The following DENND1A variants were observed in gnomAD, a reference collection of about 807,000 sequenced individuals.
DENND1A encodes the protein DENN domain containing 1A, also known as DENN domain-containing protein 1A.
DENND1A carries 51 observed loss-of-function variants against 113.7 expected under a neutral mutation model. The ratio of observed to expected loss-of-function variants is 0.45; its 90% CI spans 0.36 to 0.57. DENND1A has a LOEUF of 0.57. Ranked by LOEUF, DENND1A falls within the 20% of genes least tolerant of loss-of-function variation. The pLI, the probability that DENND1A is intolerant of heterozygous loss-of-function variation, is 0.00. For missense variants in DENND1A, 1,258 were observed against 1,395.9 expected (o/e 0.90, Z 1.57); for synonymous variants, 565 against 570.8 (o/e 0.99, Z 0.14).
At chr9:123,899,110 C>G (rs1355420568) in intron 1 of DENND1A, among the ~76,000 whole-genome samples, 1 of 152,130 alleles carries the variant, frequency 6.6e-6, no homozygotes, top group Admixed American at 6.5e-5. Context: ...TCATTCATGC[C>G]CATAATTTCC....
At chr9:123,490,852 C>T (rs1273422738) in intron 13 of DENND1A, among the ~76,000 whole-genome samples, 2 of 152,200 alleles carry the variant, frequency 1.3e-5, no homozygotes, top group Admixed American at 6.5e-5. Flanking sequence ...TCCCTTTGGG[C>T]GAGGCACATT....
intron 2 of DENND1A, among the ~76,000 whole-genome samples, chr9:123,863,078 C>T (rs947863498): frequency 1.3e-5 from 2 of 152,136 alleles, no homozygotes; most frequent in African/African-American, 4.8e-5. Flanking sequence ...GTAATAAGTG[C>T]GATGACAATG....
Position 123,422,917 on chromosome 9 carries a change from C to T in DENND1A, c.1489-11088G>A, listed in dbSNP as rs981566220. Among the ~76,000 whole-genome samples, 3 of 152,186 alleles carry T rather than the reference C, an allele frequency of 2.0e-5. No homozygotes were observed. Among genetic ancestry groups the T allele is most frequent in the South Asian group, 2.1e-4 (1 of 4,828 alleles). On this transcript the variant is annotated intron_variant, in intron 19 of 23. Coordinates refer to ENST00000394215, the MANE Select transcript of DENND1A (RefSeq NM_001352964.2). The surrounding 1 kb of genome is among the most constrained non-coding windows in gnomAD (Gnocchi z 4.8). Reference sequence around the variant, plus strand: ...ACAGGAACCCAAGGTGCCAGCAGTTCGACTGCCTTATTAAACACCGCCAGG... The same window carrying T: ...ACAGGAACCCAAGGTGCCAGCAGTTTGACTGCCTTATTAAACACCGCCAGG...
At chr9:123,663,891 T>C (rs2063369548) in intron 8 of DENND1A, among the ~76,000 whole-genome samples, 1 of 151,344 alleles carries the variant, frequency 6.6e-6, no homozygotes, top group Admixed American at 6.6e-5. Context: ...TCAAACAAAG[T>C]ATTACTCAAC....
intron 19 of DENND1A, chr9:123,414,677 C>A: frequency 1.3e-6 from 2 of 1,490,846 alleles, no homozygotes; most frequent in Non-Finnish European, 1.8e-6. Context: ...TTAAAAAGTC[C>A]TATTTCCCAA....
intron 5 of DENND1A, among the ~76,000 whole-genome samples, chr9:123,711,364 G>A (rs924937413): frequency 6.6e-6 from 1 of 151,416 alleles, no homozygotes; most frequent in Admixed American, 6.6e-5. Flanking sequence ...ACTCAGAGAG[G>A]CTGAGGCAGG....
chr9:123,793,312 G>A (rs1221492436), intron 2 of DENND1A, among the ~76,000 whole-genome samples: 2 of 152,130 alleles, frequency 1.3e-5, no homozygotes, highest in African/African-American at 4.8e-5. Context: ...TTAAAATGGA[G>A]TTACTAAAGG....
intron 6 of DENND1A, among the ~76,000 whole-genome samples, chr9:123,675,706 C>T (rs532893912): frequency 4.6e-5 from 7 of 152,240 alleles, no homozygotes; most frequent in African/African-American, 1.7e-4. Context: ...ACTTGTCAAA[C>T]AACAAATTCA....
At chr9:123,680,382 C>T (rs2064365538) in intron 5 of DENND1A, among the ~76,000 whole-genome samples, 2 of 152,224 alleles carry the variant, frequency 1.3e-5, no homozygotes, top group South Asian at 4.1e-4. Context: ...ATCCGGGGTC[C>T]CACCGGCCCT....
Position 123,511,720 on chromosome 9 carries a change from C to T in DENND1A, c.993+45850G>A, listed in dbSNP as rs74717150. ...GCACCCCCACCCACTTCCAGTTTGC[C>T]GTGAGCATTACAGAAGGCTTTGTGA... On this transcript the variant is annotated intron_variant, in intron 13 of 23. Coordinates refer to ENST00000394215, the MANE Select transcript of DENND1A (RefSeq NM_001352964.2). 4.0e-3 allele frequency among the ~76,000 whole-genome samples: 607 copies of T among 152,308 alleles called. 8 individuals are homozygous for T. The East Asian group carries it at 0.062, about 16-fold the overall frequency.
chr9:123,775,623 A>C (rs1830362272), intron 3 of DENND1A, among the ~76,000 whole-genome samples: 1 of 152,258 alleles, frequency 6.6e-6, no homozygotes, highest in Non-Finnish European at 1.5e-5. Flanking sequence ...AAATGTGCAC[A>C]GATGGGCAAC....
chr9:123,613,925 T>G (rs951340702), intron 10 of DENND1A, among the ~76,000 whole-genome samples: 4 of 152,222 alleles, frequency 2.6e-5, no homozygotes, highest in Admixed American at 2.0e-4. Flanking sequence ...TGACTCTTTT[T>G]TCCTTCTCCC....
intron 9 of DENND1A, among the ~76,000 whole-genome samples, chr9:123,637,592 C>T (rs1209326551): frequency 6.6e-6 from 1 of 152,158 alleles, no homozygotes; most frequent in Non-Finnish European, 1.5e-5. Context: ...ATAAAGGGTT[C>T]AGCTATGTTC....
At chr9:123,760,407 T>C (rs755887773) in intron 4 of DENND1A, among the ~76,000 whole-genome samples, 1 of 152,226 alleles carries the variant, frequency 6.6e-6, no homozygotes, top group Non-Finnish European at 1.5e-5. Flanking sequence ...GACAACTCCA[T>C]CTCTTAGAGA....
chr9:123,413,896 C>T (rs972235821), intron 19 of DENND1A: 50 of 985,456 alleles, frequency 5.1e-5, no homozygotes, highest in Non-Finnish European at 5.8e-5. Context: ...GAGCCCACCC[C>T]CTCCACCGGT....
intron 5 of DENND1A, among the ~76,000 whole-genome samples, chr9:123,708,532 C>A (rs2066377109): frequency 6.6e-6 from 1 of 152,040 alleles, no homozygotes; most frequent in Non-Finnish European, 1.5e-5. Context: ...GCATGTTGCA[C>A]ATTTACTTCA....
chr9:123,797,829 A>G (rs1237740902), intron 2 of DENND1A, among the ~76,000 whole-genome samples: 2 of 152,132 alleles, frequency 1.3e-5, no homozygotes, highest in Admixed American at 1.3e-4. Flanking sequence ...AAAAAGGTTT[A>G]GGTTGTTTTT....
chr9:123,754,504 T>C (rs1484945496), intron 5 of DENND1A, among the ~76,000 whole-genome samples: 1 of 152,178 alleles, frequency 6.6e-6, no homozygotes, highest in Non-Finnish European at 1.5e-5. Context: ...CCACAGTCAC[T>C]ATCCTCTGGC....
chr9:123,420,270 C>A (rs1368099741), intron 19 of DENND1A, among the ~76,000 whole-genome samples: 1 of 152,188 alleles, frequency 6.6e-6, no homozygotes, highest in East Asian at 1.9e-4. Context: ...GATTGCCGCT[C>A]TGTAGACAGG....
Sources: gnomAD v4.1 joint callset for allele counts (sites outside exome capture counted in the v4.1 genomes callset) on GRCh38, gnomAD v4.1.1 for gene constraint, Gnocchi (gnomAD v3.1) non-coding constraint, MANE v1.5 for transcripts, NCBI Gene and HGNC (gene_info 2026-07-23, HGNC 2026-07-21) for gene names.